RAP1GDS1: variants seen among roughly 807,000 people sequenced by gnomAD.
The protein encoded by RAP1GDS1 is RAP1, GTP-GDP dissociation stimulator 1.
A neutral mutation model predicts 71.1 loss-of-function variants in RAP1GDS1; 35 were observed. The observed-to-expected ratio is 0.49, with a 90% CI of 0.38 to 0.65. RAP1GDS1 has a LOEUF of 0.65. Among genes scored for constraint, RAP1GDS1 ranks in the 30% least tolerant of loss-of-function variants. RAP1GDS1 has a pLI of 0.00. For synonymous variants in RAP1GDS1, 229 were observed against 243.1 expected (o/e 0.94, Z 0.54); for missense variants, 663 against 706.1 (o/e 0.94, Z 0.69).
intron 5 of RAP1GDS1, among the ~76,000 whole-genome samples, chr4:98,384,900 A>G (rs1015298300): frequency 1.3e-5 from 2 of 151,776 alleles, no homozygotes; most frequent in African/African-American, 4.8e-5. Flanking sequence ...TGCGATTATG[A>G]TAATGCATTT....
chr4:98,326,660 C>T (rs1415389351), intron 2 of RAP1GDS1, among the ~76,000 whole-genome samples: 3 of 152,080 alleles, frequency 2.0e-5, no homozygotes, highest in Admixed American at 6.6e-5. Flanking sequence ...AGCTCCAGCA[C>T]CCATTTCCCT....
rs183302732 is a variant in RAP1GDS1 at position 98,301,264 on chromosome 4, G to C, written c.112+7749G>C. On this transcript the variant is annotated intron_variant, in intron 2 of 14. Coordinates refer to ENST00000408927, the MANE Select transcript of RAP1GDS1 (RefSeq NM_001100427.2). ...TGTGTTCATTGTCCATGAGGGCTTA[G>C]CACTGGTGCTCCTTATGAAGTAGTG... is the stretch of plus-strand genomic sequence containing the variant. Among the ~76,000 whole-genome samples the C allele has an allele frequency of 2.6e-5, 4 of 151,994 alleles. No homozygotes were observed. The East Asian group carries it at 7.7e-4, about 29-fold the overall frequency.
At chr4:98,293,857 T>A (rs147176241) in intron 2 of RAP1GDS1, among the ~76,000 whole-genome samples, 2 of 152,072 alleles carry the variant, frequency 1.3e-5, no homozygotes, top group Non-Finnish European at 2.9e-5. Flanking sequence ...AAAAATAGAT[T>A]GTTTTATATG....
At chr4:98,363,439 C>G (rs1302885798) in intron 4 of RAP1GDS1, among the ~76,000 whole-genome samples, 3 of 132,976 alleles carry the variant, frequency 2.3e-5, no homozygotes, top group African/African-American at 9.1e-5. Flanking sequence ...AGCCATCACA[C>G]CACAGCACTC....
chr4:98,365,498 CTA>C (rs1489813245), intron 4 of RAP1GDS1, among the ~76,000 whole-genome samples: 1 of 151,874 alleles, frequency 6.6e-6, no homozygotes, highest in African/African-American at 2.4e-5. Flanking sequence ...TGGCATGCAC[CTA>C]TAGACCCTGC....
chr4:98,324,064 C>A (rs567771533), intron 2 of RAP1GDS1, among the ~76,000 whole-genome samples: 1 of 151,480 alleles, frequency 6.6e-6, no homozygotes, highest in Non-Finnish European at 1.5e-5. Flanking sequence ...TGATAAGCAA[C>A]TTCAAAGTCT....
chr4:98,270,592 C>A (rs1453717082), intron 1 of RAP1GDS1, among the ~76,000 whole-genome samples: 1 of 152,138 alleles, frequency 6.6e-6, no homozygotes. Context: ...AGAAGCATTT[C>A]AGGAGTTAAA....
chr4:98,263,024 C>G (rs1722247734), intron 1 of RAP1GDS1, among the ~76,000 whole-genome samples: 1 of 152,174 alleles, frequency 6.6e-6, no homozygotes, highest in South Asian at 2.1e-4. Context: ...GCGTGTCTGC[C>G]TTTCTCTTAA....
At chr4:98,300,189 G>T (rs1728369351) in intron 2 of RAP1GDS1, among the ~76,000 whole-genome samples, 1 of 152,136 alleles carries the variant, frequency 6.6e-6, no homozygotes, top group Non-Finnish European at 1.5e-5. Flanking sequence ...CTAACCTTCA[G>T]CAACCAGCAC....
intron 6 of RAP1GDS1, among the ~76,000 whole-genome samples, chr4:98,402,651 ATG>A (rs753664414): frequency 3.9e-5 from 6 of 152,154 alleles, no homozygotes; most frequent in Non-Finnish European, 8.8e-5. Context: ...AACCATATTA[ATG>A]TGTGTCTCTC....
At position 98,285,310 on chromosome 4, in the gene RAP1GDS1, T is replaced by A. The variant is rs2110262178; in HGVS notation, c.5-8098T>A. Among the ~76,000 whole-genome samples the A allele has an allele frequency of 1.3e-5, 2 of 152,290 alleles. 1 individual carries two copies. The highest frequency in any genetic ancestry group is 4.1e-4 in the South Asian group (2 of 4,824). ...CTTTACTTGTTCTTTATTCTGACAT[T>A]AATTGTCTTGAAGAGATATTAATTG... On this transcript the variant is annotated intron_variant, in intron 1 of 14. Coordinates refer to ENST00000408927, the MANE Select transcript of RAP1GDS1 (RefSeq NM_001100427.2).
Position 98,404,538 on chromosome 4 carries a change from G to A in RAP1GDS1, c.699G>A (p.Lys233=), listed in dbSNP as rs778808260. The A allele has an allele frequency of 8.1e-6, 13 of 1,607,776 alleles. No homozygotes were observed. Among genetic ancestry groups the A allele is most frequent in the Admixed American group, 1.7e-5 (1 of 59,002 alleles). The change falls in exon 7 of 15, where the codon AAG becomes AAA. Residue 233 remains lysine (K), a synonymous_variant. Coordinates refer to ENST00000408927, the MANE Select transcript of RAP1GDS1 (RefSeq NM_001100427.2). The stretch of plus-strand genomic sequence containing the variant: ...CTGAAGAGCTAGTAAAACTCTTCAA[G>A]AAACAAATAGAACATGATAAGAGAG... ...NIAEELVKLF[K]KQIEHDKREM... is the part of the protein sequence containing the mutation.
intron 3 of RAP1GDS1, among the ~76,000 whole-genome samples, chr4:98,346,598 G>A (rs1274203271): frequency 6.6e-6 from 1 of 151,530 alleles, no homozygotes; most frequent in East Asian, 1.9e-4. Flanking sequence ...AGGCTGGAGT[G>A]CAATGGTGCG....
intron 1 of RAP1GDS1, among the ~76,000 whole-genome samples, chr4:98,272,268 A>G (rs1008780668): frequency 3.9e-5 from 6 of 152,224 alleles, no homozygotes; most frequent in African/African-American, 1.2e-4. Context: ...GAACATTAAA[A>G]TCAACACATT....
intron 7 of RAP1GDS1, among the ~76,000 whole-genome samples, chr4:98,405,815 G>A (rs919422789): frequency 6.6e-6 from 1 of 151,188 alleles, no homozygotes; most frequent in African/African-American, 2.4e-5. Flanking sequence ...ATGCAGGGGA[G>A]AATAAAGACC....
intron 1 of RAP1GDS1, among the ~76,000 whole-genome samples, chr4:98,276,317 G>A (rs986734017): frequency 2.0e-5 from 3 of 151,950 alleles, no homozygotes; most frequent in Non-Finnish European, 4.4e-5. Context: ...GAATTTTTAG[G>A]GGACACAAAC....
intron 1 of RAP1GDS1, among the ~76,000 whole-genome samples, chr4:98,280,502 G>T (rs1319974664): frequency 6.6e-6 from 1 of 152,070 alleles, no homozygotes; most frequent in Non-Finnish European, 1.5e-5. Context: ...GTAGATTCTG[G>T]ATATTAGCCC....
rs565816924 is a variant in RAP1GDS1 at position 98,377,294 on chromosome 4, T to C, written c.362-1723T>C. Among the ~76,000 whole-genome samples the C allele has an allele frequency of 2.6e-5, 4 of 152,068 alleles. No individual in the cohort carries two copies. The South Asian group carries it at 8.3e-4, about 32-fold the overall frequency. ...AAGGTCTGAACATTTAGATTTGTAA[T>C]CCTAATGTTCAGTTTTCTGAGACAT... On this transcript the variant is annotated intron_variant, in intron 4 of 14. Transcript: ENST00000408927.
Position 98,379,040 on chromosome 4 carries a change from C to G in RAP1GDS1, c.385C>G (p.Gln129Glu). The G allele has an allele frequency of 1.3e-6, 2 of 1,599,930 alleles. No individual in the cohort carries two copies. Among genetic ancestry groups the G allele is most frequent in the Non-Finnish European group, 1.7e-6 (2 of 1,174,358 alleles). Residue 129 changes from glutamine (Q) to glutamate (E), a missense_variant, in exon 5 of 15, where the codon CAA (glutamine) becomes GAA (glutamate). Physicochemically the swap from Gln to Glu is conservative, Grantham distance 29. Coordinates refer to ENST00000408927, the MANE Select transcript of RAP1GDS1 (RefSeq NM_001100427.2). ...AGATGAGGGCAGAAGTGCAGTTGAC[C>G]AAGCAGGTGGTGCACAGATTGTAAT... ...DSHEGRSAVD[Q>E]AGGAQIVIDH...
Sources: gnomAD v4.1 joint callset for allele counts (sites outside exome capture counted in the v4.1 genomes callset) on GRCh38, gnomAD v4.1.1 for gene constraint, MANE v1.5 for transcripts, NCBI Gene and HGNC (gene_info 2026-07-23, HGNC 2026-07-21) for gene names.